The following MIAT variants were observed in gnomAD, a reference collection of about 807,000 sequenced individuals.
MIAT encodes MI related novel mRNA.
At chr22:26,667,407 TGCGCGTGTATGTGTGTGTATGC>T (rs1300578034) in intron 5 of MIAT, 5 of 370,208 alleles carry the variant, frequency 1.4e-5, no homozygotes, top group Non-Finnish European at 1.4e-5. Flanking sequence ...TGCATGTGTG[TGCGCGTGTATGTGTGTGTATGC>T]GCGCGTGTGT....
At chr22:26,670,581 C>G (rs5997114), downstream of MIAT, 1 of 352,338 alleles carries the variant, frequency 2.8e-6, no homozygotes, top group Non-Finnish European at 4.7e-6. Flanking sequence ...AAAGTAACTT[C>G]TAGGAAATGT....
chr22:26,653,745 A>G (rs371931283), intron 2 of MIAT, among the ~76,000 whole-genome samples: 3 of 152,216 alleles, frequency 2.0e-5, no homozygotes, highest in East Asian at 3.9e-4. Context: ...GTTGATCCCA[A>G]TTCAACCTCC....
At chr22:26,646,628 T>A (rs1280380609) in exon 1 of MIAT, 2 of 398,574 alleles carry the variant, frequency 5.0e-6, no homozygotes, top group African/African-American at 4.1e-5. Flanking sequence ...TATCTTCAGT[T>A]TCCTTGTCTA....
chr22:26,655,335 A>G (rs739310), intron 2 of MIAT, among the ~76,000 whole-genome samples: 27,039 of 152,236 alleles, frequency 0.18, 2,733 homozygotes, highest in East Asian at 0.36. Flanking sequence ...AAGCTGGGGA[A>G]GTTGGAATCT....
At chr22:26,650,950 T>C (rs1053179936) in intron 2 of MIAT, among the ~76,000 whole-genome samples, 1 of 152,148 alleles carries the variant, frequency 6.6e-6, no homozygotes, top group Non-Finnish European at 1.5e-5. Context: ...CAGTTGGAGA[T>C]GACACCGATA....
intron 3 of MIAT, among the ~76,000 whole-genome samples, chr22:26,665,139 G>A (rs1161504834): frequency 6.6e-6 from 1 of 152,110 alleles, no homozygotes; most frequent in African/African-American, 2.4e-5. Context: ...TACTTAGGAG[G>A]CTTAGGCAGG....
downstream of MIAT, chr22:26,670,630 G>T (rs1931012526): frequency 2.9e-6 from 1 of 339,010 alleles, no homozygotes. Context: ...AAAAAAAGCA[G>T]GTTCTAATTC....
chr22:26,647,771 A>C (rs1930261704), intron 2 of MIAT, among the ~76,000 whole-genome samples: 4 of 151,590 alleles, frequency 2.6e-5, no homozygotes, highest in Admixed American at 2.6e-4. Context: ...ACTGGGGGGA[A>C]GCCCAGTAGG....
chr22:26,664,659 T>A (rs1930782440), intron 3 of MIAT, among the ~76,000 whole-genome samples: 1 of 152,264 alleles, frequency 6.6e-6, no homozygotes, highest in Non-Finnish European at 1.5e-5. Flanking sequence ...GTAAGGTTCA[T>A]CCATGTTGTA....
chr22:26,656,002 C>CTTTT (rs946705435), intron 2 of MIAT: 1 of 151,098 alleles, frequency 6.6e-6, no homozygotes, highest in African/African-American at 2.5e-5. Flanking sequence ...TTGTATTTTT[C>CTTTT]TTTTCTTTTC....
downstream of MIAT, chr22:26,670,117 T>C: frequency 2.5e-6 from 1 of 397,280 alleles, no homozygotes. Context: ...CCAGAGGCAT[T>C]TCTGATTAGC....
intron 3 of MIAT, chr22:26,663,492 G>A: frequency 2.5e-6 from 1 of 396,920 alleles, no homozygotes; most frequent in Admixed American, 4.4e-5. Context: ...TATGTCCTGA[G>A]ACCTCCTGAA....
chr22:26,672,597 C>T, downstream of MIAT: 2 of 398,662 alleles, frequency 5.0e-6, no homozygotes, highest in Admixed American at 4.4e-5. Context: ...TGGAAGGAAG[C>T]TGGGGAAGAA....
downstream of MIAT, chr22:26,670,923 G>C: frequency 2.5e-6 from 1 of 397,988 alleles, no homozygotes; most frequent in Non-Finnish European, 4.4e-6. Context: ...GCGTGGGGGA[G>C]TCTCAACTTG....
chr22:26,673,436 C>T (rs1004391437), downstream of MIAT: 33 of 398,780 alleles, frequency 8.3e-5, no homozygotes, highest in Non-Finnish European at 1.2e-4. Flanking sequence ...ACCAACCTGG[C>T]CCTGTCTGGG....
At chr22:26,669,446 G>C (rs967289288) in exon 6 of MIAT, 2 of 398,492 alleles carry the variant, frequency 5.0e-6, no homozygotes, top group Admixed American at 8.8e-5. Context: ...TCTCTGTGGA[G>C]AGGGACAGAG....
downstream of MIAT, chr22:26,670,258 C>T (rs1015264446): frequency 2.5e-6 from 1 of 398,454 alleles, no homozygotes; most frequent in Non-Finnish European, 4.4e-6. Flanking sequence ...GCACTGAGCA[C>T]CTACTTTGGG....
At chr22:26,655,256 T>A (rs760437718) in intron 2 of MIAT, among the ~76,000 whole-genome samples, 48 of 152,028 alleles carry the variant, frequency 3.2e-4, no homozygotes, top group Non-Finnish European at 4.4e-5. Context: ...GTTTTATAGG[T>A]TTGTTGAATT....
downstream of MIAT, chr22:26,671,559 C>T (rs1014197479): frequency 2.3e-5 from 9 of 398,758 alleles, no homozygotes; most frequent in Non-Finnish European, 3.5e-5. Flanking sequence ...CTGTGCAGCT[C>T]ATGGGCCTTT....
Sources: gnomAD v4.1 joint callset for allele counts (sites outside exome capture counted in the v4.1 genomes callset) on GRCh38, gnomAD v4.1.1 for gene constraint, MANE v1.5 for transcripts, NCBI Gene and HGNC (gene_info 2026-07-23, HGNC 2026-07-21) for gene names.